The following PCSK7 variants were observed in gnomAD, a reference collection of about 807,000 sequenced individuals.
The protein encoded by PCSK7 is lymphoma proprotein convertase.
Under a neutral mutation model 73.3 loss-of-function variants are expected in PCSK7, and 38 were observed. The observed-to-expected ratio is 0.52, with a 90% CI of 0.40 to 0.68. The LOEUF is 0.68. PCSK7 is among the 30% of genes least tolerant of loss of function. The pLI, the probability that PCSK7 is intolerant of heterozygous loss-of-function variation, is 0.00. For missense variants in PCSK7, 692 were observed against 991.5 expected (o/e 0.70, Z 4.06); for synonymous variants, 296 against 383.8 (o/e 0.77, Z 2.68).
chr11:117,222,223 G>C (rs1464873035), intron 9 of PCSK7: 1 of 152,132 alleles, frequency 6.6e-6, no homozygotes, highest in East Asian at 1.9e-4. Flanking sequence ...AGATGGTCTA[G>C]AGGCCTGCCT....
chr11:117,229,952 G>T, intron 2 of PCSK7, 96 bp from the exon 3 acceptor site: 1 of 700,518 alleles, frequency 1.4e-6, no homozygotes, highest in Non-Finnish European at 2.3e-6. Context: ...GTTCCCCCTG[G>T]AAGTCCCTAA....
intron 8 of PCSK7, chr11:117,223,869 A>T (rs756928215): frequency 5.3e-6 from 3 of 570,020 alleles, no homozygotes; most frequent in Non-Finnish European, 9.4e-6. Flanking sequence ...CAGCTCGGTG[A>T]TCTCCAGATG....
Position 117,224,727 on chromosome 11 carries a change from C to T in PCSK7, c.889G>A (p.Val297Met). The T allele has an allele frequency of 1.9e-6, 3 of 1,613,782 alleles. No homozygotes were observed. Among genetic ancestry groups the T allele is most frequent in the Non-Finnish European group, 2.5e-6 (3 of 1,179,696 alleles). ...TTTCCAAGCTGATGGGGGCCATCCA[C>T]TGTCTTCCCATCGTCATCTGGTCCC... Reference protein sequence around the residue: ...SWGPDDDGKTVDGPHQLGKAA... With the variant: ...SWGPDDDGKTMDGPHQLGKAA... Residue 297 changes from valine (V) to methionine (M), a missense_variant, in exon 7 of 17, where the codon GTG (valine) becomes ATG (methionine). Physicochemically the swap from Val to Met is conservative, Grantham distance 21. Coordinates refer to ENST00000320934, the MANE Select transcript of PCSK7 (RefSeq NM_004716.4).
intron 4 of PCSK7, 118 bp downstream of exon 4, chr11:117,228,098 C>T: frequency 1.0e-6 from 1 of 955,796 alleles, no homozygotes; most frequent in South Asian, 1.6e-5. Flanking sequence ...AACCCCATCC[C>T]ACCTCCCAGG....
Position 117,229,541 on chromosome 11 carries a change from C to T in PCSK7, c.304G>A (p.Ala102Thr), listed in dbSNP as rs11542139. Residue 102 changes from alanine (A) to threonine (T), a missense_variant, in exon 3 of 17, where the codon GCT becomes ACT. Coordinates refer to ENST00000320934, the MANE Select transcript of PCSK7 (RefSeq NM_004716.4). The stretch of plus-strand genomic sequence containing the variant: ...ACCTCCAGGGCCGGCCTGTGCCCAG[C>T]AGGCTGGACAAAGAGGTAGTGCCCC... ...LQGHYLFVQP[A>T]GHRPALEVEA... The T allele has an allele frequency of 3.9e-3, 6,326 of 1,613,502 alleles. 145 individuals carry two copies. The East Asian group carries it at 0.061, about 15-fold the overall frequency.
chr11:117,224,533 T>C (rs1467226434), intron 7 of PCSK7, among the ~76,000 whole-genome samples, 168 bp downstream of exon 7: 1 of 152,174 alleles, frequency 6.6e-6, no homozygotes, highest in Non-Finnish European at 1.5e-5. Flanking sequence ...TTTCCCTCTC[T>C]AGGAACAAAC....
chr11:117,205,705 G>C lies in PCSK7; in HGVS notation c.*292C>G, dbSNP rs2031329204. 4 of 322,672 alleles carry C rather than the reference G, an allele frequency of 1.2e-5. No individual in the cohort carries two copies. The highest frequency in any genetic ancestry group is 2.1e-5 in the African/African-American group (1 of 47,504). The allele number at this position is 322,672 out of a possible 1,614,324, so 20.0% of individuals were successfully genotyped here. On this transcript the variant is annotated 3_prime_UTR_variant, in exon 17 of 17. Transcript: ENST00000320934. ...CCATGCTTGGGGGACCTAGGCAGCT[G>C]GCTTGGCCCAAGAGAGATGAGGATG...
In PCSK7 at chr11:117,229,866, A is replaced by G. The variant is rs1339676664; in HGVS notation, c.-12-10T>C. The G allele has an allele frequency of 7.6e-6, 11 of 1,440,464 alleles. No individual in the cohort carries two copies. The highest frequency in any genetic ancestry group is 9.3e-6 in the Non-Finnish European group (10 of 1,072,912). 89.2% of individuals were successfully genotyped at this position (1,440,464 alleles called of 1,614,324 possible). A position where few individuals can be genotyped will look rare whatever the true frequency, so the allele number is the denominator to read the frequency against. On this transcript the variant is annotated splice_polypyrimidine_tract_variant and intron_variant, in intron 2 of 16. Transcript: ENST00000320934. Reference sequence around the variant, plus strand: ...GCATCAGAGCAGTGGACTGCAGACAAAGAAAAAGGATATGGAAGAGATCAA... The same window carrying G: ...GCATCAGAGCAGTGGACTGCAGACAGAGAAAAAGGATATGGAAGAGATCAA...
Position 117,210,276 on chromosome 11 carries a change from AAAACAAAAACAAAAACAAAAAACTACTG to A in PCSK7, c.1535-1251_1535-1224del, listed in dbSNP as rs1448924776. 5 of 150,390 alleles carry A rather than the reference AAAACAAAAACAAAAACAAAAAACTACTG, an allele frequency of 3.3e-5. No individual in the cohort carries two copies. In the East Asian group the frequency reaches 9.6e-4, roughly 29 times the overall value. 9.3% of individuals were successfully genotyped at this position (150,390 alleles called of 1,614,324 possible). On this transcript the variant is annotated intron_variant, in intron 12 of 16. Transcript: ENST00000320934. ...AACCTCCTGTAAATCTACAATTATTAAAACAAAAACAAAAACAAAAAACTACTGAAGAGGAAGACTCAACTGGGGACTA... is the reference window on the plus strand; with the variant it reads ...AACCTCCTGTAAATCTACAATTATTAAAGAGGAAGACTCAACTGGGGACTA...
In PCSK7 at chr11:117,219,685, G is replaced by T; in HGVS notation, c.1229C>A (p.Pro410His). Residue 410 changes from proline to histidine, a missense_variant, in exon 10 of 17, where the codon CCT becomes CAT. Pro to His is a moderately conservative substitution (Grantham distance 77, BLOSUM62 -2). Around this residue, in one of 6 missense-constraint regions of PCSK7, gnomAD observed 574 missense variants for 689.8 expected, o/e 0.83. Transcript: ENST00000320934. ...TAAGGCTATCATGCCAGCTGCCAGAGGCGCTGCAGCTGAGGTCCCTGTGTG... is the reference window on the plus strand; with the variant it reads ...TAAGGCTATCATGCCAGCTGCCAGATGCGCTGCAGCTGAGGTCCCTGTGTG... ...EGHTGTSAAAPLAAGMIALML... is the reference protein window; with the variant it reads ...EGHTGTSAAAHLAAGMIALML... 1 of 1,612,278 alleles carries T rather than the reference G, an allele frequency of 6.2e-7. No individual in the cohort carries two copies. The highest frequency in any genetic ancestry group is 1.1e-5 in the South Asian group (1 of 90,868).
At chr11:117,212,956 T>A (rs1447946471) in intron 12 of PCSK7, 1 of 152,224 alleles carries the variant, frequency 6.6e-6, no homozygotes, top group Non-Finnish European at 1.5e-5. Context: ...GCTCAAGCAA[T>A]CTGCCTGCTC....
intron 12 of PCSK7, chr11:117,217,043 C>T (rs983653097): frequency 6.6e-6 from 1 of 152,130 alleles, no homozygotes; most frequent in South Asian, 2.1e-4. Flanking sequence ...GCTCCATTAG[C>T]CAAACTCCCT....
intron 8 of PCSK7, 38 bp from the exon 9 acceptor site, chr11:117,223,346 AG>A: frequency 2.4e-6 from 3 of 1,269,960 alleles, no homozygotes; most frequent in East Asian, 2.3e-5. Context: ...TGAGATGCAG[AG>A]GGGGTCCTGT....
chr11:117,218,788 G>A lies in PCSK7; in HGVS notation c.1432-220C>T, dbSNP rs1591797339. The A allele has an allele frequency of 9.5e-5, 54 of 569,426 alleles. No individual in the cohort carries two copies. The South Asian group carries it at 1.2e-3, about 13-fold the overall frequency. The allele number at this position is 569,426 out of a possible 1,614,324, so 35.3% of individuals were successfully genotyped here. ...ACCAGAGGAAACAGCTGTGTCCAGGGTGGAGGAGGGGAACCAGAGCATCCT... is the reference window on the plus strand; with the variant it reads ...ACCAGAGGAAACAGCTGTGTCCAGGATGGAGGAGGGGAACCAGAGCATCCT... On this transcript the variant is annotated intron_variant, in intron 11 of 16. Transcript: ENST00000320934. The surrounding 1 kb of genome is among the most constrained non-coding windows in gnomAD (Gnocchi z 4.0).
chr11:117,224,763 G>A lies in PCSK7; in HGVS notation c.861-8C>T, dbSNP rs1243500580. 3.7e-6 allele frequency: 6 copies of A among 1,610,412 alleles called. No homozygotes were observed. Among genetic ancestry groups the A allele is most frequent in the Non-Finnish European group, 5.1e-6 (6 of 1,176,966 alleles). ...TCGTCATCTGGTCCCCAGCTGTTGA[G>A]AAATAAATACCTAGAGGGGACAGCC... On this transcript the variant is annotated splice_region_variant and splice_polypyrimidine_tract_variant and intron_variant, in intron 6 of 16. Transcript: ENST00000320934.
At chr11:117,215,364 T>TTTTTTTTTTGTG (rs57433360) in intron 12 of PCSK7, 2 of 84,902 alleles carry the variant, frequency 2.4e-5, no homozygotes, top group Admixed American at 1.2e-4. Flanking sequence ...CCTGGCTAAT[T>TTTTTTTTTTGTG]TGTGTGTGTG....
Position 117,204,430 on chromosome 11 carries a change from C to T in PCSK7, c.*1567G>A. 6.2e-7 allele frequency: 1 copy of T among 1,607,190 alleles called. No homozygotes were observed. Among genetic ancestry groups the T allele is most frequent in the Non-Finnish European group, 8.5e-7 (1 of 1,175,748 alleles). On this transcript the variant is annotated 3_prime_UTR_variant, in exon 17 of 17. Coordinates refer to ENST00000320934, the MANE Select transcript of PCSK7 (RefSeq NM_004716.4). Reference sequence around the variant, plus strand: ...GCTGCAGCCATCCCGCTTAGCCTGCCTCACCCACACCCGTGTGGTACCTTC... The same window carrying T: ...GCTGCAGCCATCCCGCTTAGCCTGCTTCACCCACACCCGTGTGGTACCTTC...
At chr11:117,231,562 C>T (rs1013004784) in intron 1 of PCSK7, among the ~76,000 whole-genome samples, 3 of 152,214 alleles carry the variant, frequency 2.0e-5, no homozygotes, top group African/African-American at 7.2e-5. Flanking sequence ...GGAGCTCCTT[C>T]TGTCTACTAG....
intron 6 of PCSK7, 131 bp from the exon 7 acceptor site, chr11:117,224,886 G>C (rs1467778583): frequency 2.1e-5 from 15 of 723,630 alleles, no homozygotes; most frequent in African/African-American, 5.3e-5. Context: ...CCACTTAAAG[G>C]CTTCCGTGAT....
Sources: gnomAD v4.1 joint callset for allele counts (sites outside exome capture counted in the v4.1 genomes callset) on GRCh38, gnomAD v4.1.1 for gene constraint, gnomAD v4.1.1 regional missense constraint, Gnocchi (gnomAD v3.1) non-coding constraint, MANE v1.5 for transcripts, NCBI Gene and HGNC (gene_info 2026-07-23, HGNC 2026-07-21) for gene names.